Variants in EEA1 observed in about 807,000 individuals in gnomAD.
EEA1 encodes early endosome antigen 1, 162kD.
Under a neutral mutation model 209.2 loss-of-function variants are expected in EEA1, and 111 were observed. The ratio of observed to expected loss-of-function variants is 0.53; its 90% CI spans 0.45 to 0.62. The LOEUF (loss-of-function observed/expected upper bound fraction) is 0.62. EEA1 is among the 20% of genes least tolerant of loss of function. EEA1 has a pLI of 0.00. For missense variants in EEA1, 1,343 were observed against 1,530.8 expected (o/e 0.88, Z 2.05); for synonymous variants, 536 against 540.6 (o/e 0.99, Z 0.12).
chr12:92,863,118 C>G (rs1878222736), intron 3 of EEA1, among the ~76,000 whole-genome samples: 1 of 152,192 alleles, frequency 6.6e-6, no homozygotes, highest in African/African-American at 2.4e-5. Flanking sequence ...AAAATTATCA[C>G]AATGGTATGT....
intron 3 of EEA1, chr12:92,859,289 T>G: frequency 2.6e-6 from 4 of 1,550,894 alleles, no homozygotes; most frequent in Non-Finnish European, 3.5e-6. Context: ...TTTTCATCTT[T>G]TTTCCCCATA....
At position 92,795,802 on chromosome 12, in the gene EEA1, A is replaced by T. The variant is rs77122625; in HGVS notation, c.2967+3090T>A. 1.6e-3 allele frequency among the ~76,000 whole-genome samples: 247 copies of T among 152,314 alleles called. 6 individuals are homozygous for T. In the East Asian group the frequency reaches 0.038, roughly 24 times the overall value. On this transcript the variant is annotated intron_variant, in intron 21 of 28. Coordinates refer to ENST00000322349, the MANE Select transcript of EEA1 (RefSeq NM_003566.4). ...TTTTTCACATTGACGGTCATAATGC[A>T]CTTACACATTTTCTTTTCTAAAATA...
intron 22 of EEA1, among the ~76,000 whole-genome samples, chr12:92,785,025 C>CT (rs1384566192): frequency 7.2e-5 from 2 of 27,794 alleles, no homozygotes; most frequent in Admixed American, 4.8e-4. Flanking sequence ...CCCATACTTT[C>CT]TTAAAAAAAA....
chr12:92,790,918 A>G (rs1592703694), intron 21 of EEA1, among the ~76,000 whole-genome samples: 1 of 152,200 alleles, frequency 6.6e-6, no homozygotes, highest in Admixed American at 6.5e-5. Flanking sequence ...GACTAACAGC[A>G]GATCTCTCGA....
chr12:92,799,869 G>GT (rs1259812922), intron 20 of EEA1, among the ~76,000 whole-genome samples: 2 of 152,006 alleles, frequency 1.3e-5, no homozygotes, highest in African/African-American at 4.8e-5. Flanking sequence ...TAGCTCTATA[G>GT]TAACTATGAT....
chr12:92,895,574 G>T (rs550311959), intron 1 of EEA1, among the ~76,000 whole-genome samples: 1 of 151,910 alleles, frequency 6.6e-6, no homozygotes, highest in South Asian at 2.1e-4. Flanking sequence ...TCACCCAAGA[G>T]CTCTCCTGGA....
chr12:92,882,208 A>C (rs1296282294), intron 2 of EEA1, among the ~76,000 whole-genome samples: 1 of 151,860 alleles, frequency 6.6e-6, no homozygotes, highest in East Asian at 1.9e-4. Flanking sequence ...CCTGAGTTCA[A>C]GTGATTCTCC....
chr12:92,779,406 C>T (rs898863094), intron 24 of EEA1, 106 bp from the exon 25 acceptor site: 9 of 1,013,110 alleles, frequency 8.9e-6, no homozygotes, highest in African/African-American at 8.5e-5. Context: ...ATAGGTTTTA[C>T]CCACTTATGA....
intron 18 of EEA1, among the ~76,000 whole-genome samples, 168 bp from the exon 19 acceptor site, chr12:92,802,902 A>G (rs1700912065): frequency 6.6e-6 from 1 of 152,110 alleles, no homozygotes; most frequent in Non-Finnish European, 1.5e-5. Context: ...ATACTTTAGA[A>G]CATCTCATTT....
At chr12:92,826,743 A>C (rs1876325646) in intron 12 of EEA1, among the ~76,000 whole-genome samples, 1 of 151,290 alleles carries the variant, frequency 6.6e-6, no homozygotes, top group Non-Finnish European at 1.5e-5. Context: ...AAAAGAAAAA[A>C]AGCAGTACCT....
intron 13 of EEA1, among the ~76,000 whole-genome samples, chr12:92,819,968 A>G (rs1264847222): frequency 6.6e-6 from 1 of 152,146 alleles, no homozygotes; most frequent in African/African-American, 2.4e-5. Flanking sequence ...TACTCTGACC[A>G]TTCCATTTAA....
At chr12:92,849,596 G>A (rs1411701020) in intron 9 of EEA1, among the ~76,000 whole-genome samples, 1 of 152,184 alleles carries the variant, frequency 6.6e-6, no homozygotes, top group East Asian at 1.9e-4. Flanking sequence ...TGGAAAAACT[G>A]CATCCAAATA....
intron 1 of EEA1, among the ~76,000 whole-genome samples, chr12:92,900,162 G>A (rs1880087239): frequency 6.6e-6 from 1 of 152,128 alleles, no homozygotes; most frequent in Non-Finnish European, 1.5e-5. Flanking sequence ...TTTTAAAATG[G>A]TAGTTAGCAC....
At chr12:92,819,864 A>G (rs1225293656) in intron 13 of EEA1, among the ~76,000 whole-genome samples, 1 of 152,126 alleles carries the variant, frequency 6.6e-6, no homozygotes, top group African/African-American at 2.4e-5. Context: ...TAGTGTACCA[A>G]CTGTTCCTTT....
At chr12:92,792,053 T>A (rs1874426177) in intron 21 of EEA1, among the ~76,000 whole-genome samples, 2 of 152,200 alleles carry the variant, frequency 1.3e-5, no homozygotes, top group South Asian at 4.1e-4. Context: ...AAGGCAGAAA[T>A]AAAGATGTTC....
At chr12:92,890,915 A>G (rs1158183424) in intron 2 of EEA1, among the ~76,000 whole-genome samples, 3 of 152,218 alleles carry the variant, frequency 2.0e-5, no homozygotes, top group African/African-American at 7.2e-5. Flanking sequence ...AGAAGAGGAT[A>G]GCAGAGAAAA....
At position 92,782,088 on chromosome 12, in the gene EEA1, G is replaced by C; in HGVS notation, c.3198C>G (p.Asn1066Lys). 1 of 1,612,120 alleles carries C rather than the reference G, an allele frequency of 6.2e-7. No homozygotes were observed. Among genetic ancestry groups the C allele is most frequent in the Non-Finnish European group, 8.5e-7 (1 of 1,178,814 alleles). ...TATTTTGATTTCCAATTTGATTTCTGTTTGAAATCAAGTCCTCCTGTGCTA... is the reference window on the plus strand; with the variant it reads ...TATTTTGATTTCCAATTTGATTTCTCTTTGAAATCAAGTCCTCCTGTGCTA... ...LSLAQEDLIS[N>K]RNQIGNQNKL... is the part of the protein sequence containing the mutation. Residue 1066 changes from asparagine (N) to lysine (K), a missense_variant, in exon 23 of 29, where the codon AAC becomes AAG. By Grantham distance (94) the Asn-to-Lys change is moderately conservative. Transcript: ENST00000322349.
chr12:92,810,092 T>C (rs1265224365), intron 17 of EEA1, among the ~76,000 whole-genome samples: 2 of 152,228 alleles, frequency 1.3e-5, no homozygotes, highest in Non-Finnish European at 2.9e-5. Flanking sequence ...AACTGTTGAA[T>C]ATAAGTTTGA....
chr12:92,799,990 A>G (rs1164037377), intron 20 of EEA1, among the ~76,000 whole-genome samples: 2 of 152,012 alleles, frequency 1.3e-5, no homozygotes, highest in Non-Finnish European at 1.5e-5. Context: ...TTGGAGGCCA[A>G]CGCGGGCAGG....
Sources: gnomAD v4.1 joint callset for allele counts (sites outside exome capture counted in the v4.1 genomes callset) on GRCh38, gnomAD v4.1.1 for gene constraint, MANE v1.5 for transcripts, NCBI Gene and HGNC (gene_info 2026-07-23, HGNC 2026-07-21) for gene names.